The following ZGPAT variants were observed in gnomAD, a reference collection of about 807,000 sequenced individuals.
ZGPAT encodes zinc finger CCCH-type with G patch domain-containing protein.
In ZGPAT, 39 loss-of-function variants were observed where a neutral mutation model predicts 47.9. That is an observed-to-expected ratio of 0.81 (90% CI 0.63 to 1.06). ZGPAT has a LOEUF of 1.06. ZGPAT is among the 50% of genes least tolerant of loss of function. The pLI is 0.00. For synonymous variants in ZGPAT, 348 were observed against 292.9 expected (o/e 1.19, Z -1.92); for missense variants, 717 against 681.4 (o/e 1.05, Z -0.58).
At chr20:63,725,875 G>A (rs891598555) in intron 2 of ZGPAT, among the ~76,000 whole-genome samples, 3 of 148,956 alleles carry the variant, frequency 2.0e-5, no homozygotes, top group African/African-American at 7.4e-5. Flanking sequence ...TTTTGTTGCT[G>A]AGGCTGGAGT....
At position 63,733,692 on chromosome 20, in the gene ZGPAT, A is replaced by G; in HGVS notation, c.824A>G (p.Glu275Gly). ...ILPPLRTEATESDSDSDGTGD... is the reference protein window; with the variant it reads ...ILPPLRTEATGSDSDSDGTGD... ...CCCCCACTGCGCACAGAGGCCACAGAGTCCGACTCAGACAGCGACGGTACG... is the reference window on the plus strand; with the variant it reads ...CCCCCACTGCGCACAGAGGCCACAGGGTCCGACTCAGACAGCGACGGTACG... The change falls in exon 4 of 7, where the codon GAG (glutamate) becomes GGG (glycine). Residue 275 changes from glutamate to glycine, a missense_variant. By Grantham distance (98) the Glu-to-Gly change is moderately conservative. Coordinates refer to ENST00000355969, the MANE Select transcript of ZGPAT (RefSeq NM_181485.3). The G allele has an allele frequency of 1.9e-6, 3 of 1,613,912 alleles. No individual in the cohort carries two copies. Among genetic ancestry groups the G allele is most frequent in the Non-Finnish European group, 2.5e-6 (3 of 1,180,006 alleles).
At chr20:63,733,904 G>A (rs1027941308) in intron 4 of ZGPAT, 165 bp downstream of exon 4, 6 of 861,596 alleles carry the variant, frequency 7.0e-6, no homozygotes, top group Non-Finnish European at 1.0e-5. Flanking sequence ...GGGTAGATCC[G>A]TGGCGGCCTT....
In ZGPAT at chr20:63,709,278, C is replaced by T; in HGVS notation, c.584+114C>T. The T allele has an allele frequency of 2.6e-6, 3 of 1,175,226 alleles. No individual in the cohort carries two copies. The South Asian group carries it at 3.9e-5, about 15-fold the overall frequency. 72.8% of individuals were successfully genotyped at this position (1,175,226 alleles called of 1,614,324 possible). A position where few individuals can be genotyped will look rare whatever the true frequency, so the allele number is the denominator to read the frequency against. ...GCAGTTTTGTCTCAGCTTCCTGGGG[C>T]AGGCGTGCTTTGACAGCTGTGTCTG... On this transcript the variant is annotated intron_variant, in intron 2 of 6. Transcript: ENST00000355969.
At chr20:63,725,635 T>C (rs1315739523) in intron 2 of ZGPAT, among the ~76,000 whole-genome samples, 1 of 152,042 alleles carries the variant, frequency 6.6e-6, no homozygotes, top group Non-Finnish European at 1.5e-5. Flanking sequence ...ATTCATAGAT[T>C]AATGTTTTGT....
At position 63,708,616 on chromosome 20, in the gene ZGPAT, C is replaced by G; in HGVS notation, c.36C>G (p.Thr12=). 15 of 1,610,278 alleles carry G rather than the reference C, an allele frequency of 9.3e-6. No individual in the cohort carries two copies. The highest frequency in any genetic ancestry group is 1.3e-5 in the Non-Finnish European group (15 of 1,178,136). The change falls in exon 2 of 7, where the codon ACC becomes ACG. Residue 12 remains threonine, a synonymous_variant. Transcript: ENST00000355969. ...DEESLESALQ[T]YRAQLQQVEL... ...AGAGCCTGGAGTCGGCCTTGCAGAC[C>G]TACCGTGCGCAGCTGCAGCAGGTGG...
At chr20:63,733,805 G>A in intron 4 of ZGPAT, 66 bp downstream of exon 4, 2 of 1,549,428 alleles carry the variant, frequency 1.3e-6, no homozygotes, top group Non-Finnish European at 1.7e-6. Flanking sequence ...CTCCTGGCCG[G>A]TGAGGGCACC....
chr20:63,708,175 C>T (rs1343799602), intron 1 of ZGPAT, 57 bp downstream of exon 1: 1 of 152,834 alleles, frequency 6.5e-6, no homozygotes, highest in Non-Finnish European at 1.5e-5. Flanking sequence ...AGGAGGTGCC[C>T]GGCCGGGGAC....
At chr20:63,717,437 C>T (rs1321908815) in intron 2 of ZGPAT, among the ~76,000 whole-genome samples, 2 of 151,052 alleles carry the variant, frequency 1.3e-5, no homozygotes, top group African/African-American at 4.9e-5. Flanking sequence ...GCAGCCTCCG[C>T]CGCCCAGGCG....
At chr20:63,729,536 C>T (rs1005683809) in intron 2 of ZGPAT, among the ~76,000 whole-genome samples, 1 of 152,128 alleles carries the variant, frequency 6.6e-6, no homozygotes, top group Non-Finnish European at 1.5e-5. Flanking sequence ...CATCGTCTTT[C>T]TCCTTGCACC....
intron 2 of ZGPAT, among the ~76,000 whole-genome samples, chr20:63,717,506 T>A (rs1370854243): frequency 6.6e-6 from 1 of 152,116 alleles, no homozygotes; most frequent in Non-Finnish European, 1.5e-5. Context: ...TCTTTTTGAA[T>A]GTAAGCATTT....
At position 63,731,043 on chromosome 20, in the gene ZGPAT, A is replaced by G. The variant is rs114771227; in HGVS notation, c.585-2176A>G. Among the ~76,000 whole-genome samples, 513 of 150,952 alleles carry G rather than the reference A, an allele frequency of 3.4e-3. 3 individuals carry two copies. Among genetic ancestry groups the G allele is most frequent in the African/African-American group, 0.012 (479 of 41,080 alleles). ...TTCACTGATGCCTAAAAGTCAAGGCATCACTATTTCATAAGCAGGTTCTCC... is the reference window on the plus strand; with the variant it reads ...TTCACTGATGCCTAAAAGTCAAGGCGTCACTATTTCATAAGCAGGTTCTCC... On this transcript the variant is annotated intron_variant, in intron 2 of 6. Coordinates refer to ENST00000355969, the MANE Select transcript of ZGPAT (RefSeq NM_181485.3).
At position 63,708,865 on chromosome 20, in the gene ZGPAT, G is replaced by A; in HGVS notation, c.285G>A (p.Ala95=). The change falls in exon 2 of 7, where the codon GCG becomes GCA. Residue 95 remains alanine (A), a synonymous_variant. Transcript: ENST00000355969. ...CTGAGGCGGTGGAGGCACCAGCAGC[G>A]GCCCGTGGGTCCGGATCAGAGACCG... The part of the protein sequence containing the change: ...AITEAVEAPA[A]ARGSGSETVP... 3 of 1,608,824 alleles carry A rather than the reference G, an allele frequency of 1.9e-6. No homozygotes were observed. The highest frequency in any genetic ancestry group is 2.5e-6 in the Non-Finnish European group (3 of 1,177,438).
intron 4 of ZGPAT, 173 bp from the exon 5 acceptor site, chr20:63,734,532 G>A: frequency 7.8e-7 from 1 of 1,289,886 alleles, no homozygotes; most frequent in South Asian, 1.5e-5. Context: ...CGGAGCCCAA[G>A]AGGTGGGGTG....
intron 2 of ZGPAT, chr20:63,730,045 C>CACACAG (rs1335531657): frequency 6.6e-6 from 1 of 152,242 alleles, no homozygotes; most frequent in Admixed American, 6.6e-5. Flanking sequence ...CACACACACA[C>CACACAG]ACAAAATAAT....
At chr20:63,735,691 C>G in intron 6 of ZGPAT, 90 bp from the exon 7 acceptor site, 4 of 1,530,432 alleles carry the variant, frequency 2.6e-6, no homozygotes, top group Non-Finnish European at 2.6e-6. Flanking sequence ...TGTTGGAGGA[C>G]GGGCAGCGGG....
chr20:63,731,815 G>A (rs2091907511), intron 2 of ZGPAT, among the ~76,000 whole-genome samples: 1 of 152,192 alleles, frequency 6.6e-6, no homozygotes. Context: ...AAAATAATTG[G>A]GGAAGAAAAG....
intron 2 of ZGPAT, among the ~76,000 whole-genome samples, chr20:63,727,052 A>G (rs2091852532): frequency 6.6e-6 from 1 of 152,108 alleles, no homozygotes; most frequent in South Asian, 2.1e-4. Context: ...TTGGTGGTGT[A>G]CATTCTATGG....
Position 63,708,571 on chromosome 20 carries a change from C to T in ZGPAT, c.-10C>T, listed in dbSNP as rs1490683914. 1.9e-6 allele frequency: 3 copies of T among 1,577,052 alleles called. No homozygotes were observed. Among genetic ancestry groups the T allele is most frequent in the Non-Finnish European group, 2.6e-6 (3 of 1,157,346 alleles). On this transcript the variant is annotated 5_prime_UTR_variant, in exon 2 of 7. Transcript: ENST00000355969. ...CTTGCAGCCCTGGTCCAGCGCCTCC[C>T]TCTCTCAGCATGGACGAGGAGAGCC...
chr20:63,715,813 G>A (rs556703902), intron 2 of ZGPAT, among the ~76,000 whole-genome samples: 4 of 150,462 alleles, frequency 2.7e-5, no homozygotes, highest in African/African-American at 9.7e-5. Context: ...CAACAGTGAA[G>A]TGATATATAC....
Sources: gnomAD v4.1 joint callset for allele counts (sites outside exome capture counted in the v4.1 genomes callset) on GRCh38, gnomAD v4.1.1 for gene constraint, MANE v1.5 for transcripts, NCBI Gene and HGNC (gene_info 2026-07-23, HGNC 2026-07-21) for gene names.